Variants in ADGRL2 observed in about 807,000 individuals in gnomAD.
ADGRL2 encodes the protein calcium-independent alpha-latrotoxin receptor 2.
Under a neutral mutation model 157.4 loss-of-function variants are expected in ADGRL2, and 44 were observed. The observed-to-expected ratio is 0.28, with a 90% CI of 0.22 to 0.36. ADGRL2 has a LOEUF of 0.36. ADGRL2 is among the 10% of genes least tolerant of loss of function. ADGRL2 has a pLI of 1.00. For missense variants in ADGRL2, 1,510 were observed against 1,768.9 expected (o/e 0.85, Z 2.63); for synonymous variants, 585 against 624.7 (o/e 0.94, Z 0.95).
chr1:81,960,855 A>G (rs1467602959), intron 11 of ADGRL2, among the ~76,000 whole-genome samples: 2 of 152,238 alleles, frequency 1.3e-5, no homozygotes, highest in South Asian at 4.1e-4. Flanking sequence ...AAAAACCCCA[A>G]AGTCACAGCT....
chr1:81,928,128 T>C (rs1296412474), intron 3 of ADGRL2, among the ~76,000 whole-genome samples: 4 of 152,102 alleles, frequency 2.6e-5, no homozygotes, highest in Non-Finnish European at 5.9e-5. Context: ...GTGTATAAAA[T>C]TTTGTTCTAA....
At chr1:81,414,845 T>C (rs1353064629) in intron 1 of ADGRL2, among the ~76,000 whole-genome samples, 2 of 152,204 alleles carry the variant, frequency 1.3e-5, no homozygotes, top group African/African-American at 4.8e-5. Context: ...TACAAGACTT[T>C]TTATAATTCG....
chr1:81,635,823 G>C (rs969859482), intron 3 of ADGRL2, among the ~76,000 whole-genome samples: 4 of 152,142 alleles, frequency 2.6e-5, no homozygotes, highest in Non-Finnish European at 5.9e-5. Context: ...TCATTAAAGA[G>C]CTCCCTGTCC....
intron 1 of ADGRL2, among the ~76,000 whole-genome samples, chr1:81,387,023 T>G (rs913326690): frequency 1.3e-5 from 2 of 152,172 alleles, no homozygotes; most frequent in Non-Finnish European, 2.9e-5. Flanking sequence ...CATGGCCTTT[T>G]AAAAGAAAAT....
At chr1:81,419,797 T>G (rs115670482) in intron 1 of ADGRL2, among the ~76,000 whole-genome samples, 1 of 152,198 alleles carries the variant, frequency 6.6e-6, no homozygotes, top group Non-Finnish European at 1.5e-5. Context: ...GAGACCCACA[T>G]AGTGGTTTTA....
At chr1:81,421,844 A>C (rs1489066398) in intron 1 of ADGRL2, among the ~76,000 whole-genome samples, 1 of 152,204 alleles carries the variant, frequency 6.6e-6, no homozygotes. Flanking sequence ...AACAGGGTTT[A>C]ATTGCATAGA....
chr1:81,528,386 C>T (rs2079517183), intron 2 of ADGRL2, among the ~76,000 whole-genome samples: 1 of 152,064 alleles, frequency 6.6e-6, no homozygotes, highest in African/African-American at 2.4e-5. Flanking sequence ...GTGGCTCACG[C>T]CTGTAATCCC....
chr1:81,565,500 A>G (rs1343334377), intron 2 of ADGRL2, among the ~76,000 whole-genome samples: 1 of 152,194 alleles, frequency 6.6e-6, no homozygotes, highest in African/African-American at 2.4e-5. Context: ...TTTGTTTCAA[A>G]GAGGCACTTG....
chr1:81,454,975 G>A (rs2077773887), intron 2 of ADGRL2, among the ~76,000 whole-genome samples: 1 of 152,206 alleles, frequency 6.6e-6, no homozygotes, highest in Non-Finnish European at 1.5e-5. Context: ...GACCATAGGT[G>A]TAAGGCCAGC....
chr1:81,391,034 A>C (rs1189819602), intron 1 of ADGRL2, among the ~76,000 whole-genome samples: 1 of 152,306 alleles, frequency 6.6e-6, no homozygotes, highest in Admixed American at 6.5e-5. Flanking sequence ...CCTCACACTA[A>C]AACCGTTTGG....
chr1:81,417,982 T>TATACCCTGAA, intron 1 of ADGRL2, among the ~76,000 whole-genome samples: 2 of 152,176 alleles, frequency 1.3e-5, no homozygotes, highest in Non-Finnish European at 2.9e-5. Context: ...TTTAAGGGGC[T>TATACCCTGAA]CACTTGAAAA....
Position 81,427,201 on chromosome 1 carries a change from T to C in ADGRL2, c.-301-17835T>C, listed in dbSNP as rs140025571. 2.0e-3 allele frequency: 1,618 copies of C among 820,328 alleles called. 16 individuals are homozygous for C. In the African/African-American group the frequency reaches 0.021, roughly 11 times the overall value. 50.8% of individuals were successfully genotyped at this position (820,328 alleles called of 1,614,324 possible). ...GTGGTGGAGGTAATTTTGGCCATGG[T>C]GGCAACTTTGGTGGAAGAGGAGGCT... is the stretch of plus-strand genomic sequence containing the variant. On this transcript the variant is annotated intron_variant, in intron 1 of 24. Coordinates refer to the ADGRL2 transcript ENST00000370721.
chr1:81,779,302 TG>T (rs1421809043), intron 2 of ADGRL2, among the ~76,000 whole-genome samples: 1 of 152,124 alleles, frequency 6.6e-6, no homozygotes, highest in East Asian at 1.9e-4. Flanking sequence ...TTAGAAAGGG[TG>T]GTCAGGGTCC....
intron 3 of ADGRL2, among the ~76,000 whole-genome samples, chr1:81,685,453 AG>A (rs2083209810): frequency 6.6e-6 from 1 of 152,098 alleles, no homozygotes; most frequent in African/African-American, 2.4e-5. Context: ...GCTGGTGTAT[AG>A]AAAAGCTACT....
At chr1:81,739,817 A>T (rs754926159) in intron 1 of ADGRL2, among the ~76,000 whole-genome samples, 1 of 152,226 alleles carries the variant, frequency 6.6e-6, no homozygotes, top group Non-Finnish European at 1.5e-5. Flanking sequence ...AGGCTGTTCC[A>T]GGCATTAGGG....
intron 3 of ADGRL2, among the ~76,000 whole-genome samples, chr1:81,622,806 G>A (rs1048396948): frequency 9.9e-5 from 15 of 152,098 alleles, no homozygotes; most frequent in Admixed American, 9.8e-4. Context: ...TATCCTGCAT[G>A]TTTTTCCAGT....
intron 1 of ADGRL2, among the ~76,000 whole-genome samples, chr1:81,372,170 C>T (rs150189885): frequency 2.2e-4 from 34 of 152,290 alleles, no homozygotes; most frequent in African/African-American, 7.7e-4. Context: ...ACAAATTCTA[C>T]ATCAATCAAC....
At chr1:81,826,920 G>C (rs2091536021) in intron 1 of ADGRL2, among the ~76,000 whole-genome samples, 1 of 151,986 alleles carries the variant, frequency 6.6e-6, no homozygotes, top group African/African-American at 2.4e-5. Flanking sequence ...ATTTAGCCTT[G>C]ATTTATTTCA....
intron 2 of ADGRL2, among the ~76,000 whole-genome samples, chr1:81,490,728 G>T (rs2078613703): frequency 6.6e-6 from 1 of 152,178 alleles, no homozygotes; most frequent in Admixed American, 6.5e-5. Flanking sequence ...CAGTCATTTT[G>T]GAAGGCGTCT....
Sources: gnomAD v4.1 joint callset for allele counts (sites outside exome capture counted in the v4.1 genomes callset) on GRCh38, gnomAD v4.1.1 for gene constraint, MANE v1.5 for transcripts, NCBI Gene and HGNC (gene_info 2026-07-23, HGNC 2026-07-21) for gene names.